CCDC171: variants seen among roughly 807,000 people sequenced by gnomAD.
CCDC171 encodes the protein coiled-coil domain containing 171.
In CCDC171, 177 loss-of-function variants were observed where a neutral mutation model predicts 168.2. The ratio of observed to expected loss-of-function variants is 1.05; its 90% CI spans 0.93 to 1.19. CCDC171 has a LOEUF of 1.19. Ranked by LOEUF, CCDC171 falls within the 50% of genes most tolerant of loss-of-function variation. CCDC171 has a pLI of 0.00. For missense variants in CCDC171, 1,991 were observed against 1,539.0 expected (o/e 1.29, Z -4.91); for synonymous variants, 687 against 540.8 (o/e 1.27, Z -3.75).
intron 12 of CCDC171, among the ~76,000 whole-genome samples, chr9:15,722,158 A>G (rs2053526891): frequency 6.6e-6 from 1 of 152,100 alleles, no homozygotes; most frequent in East Asian, 1.9e-4. Context: ...TTAATGAAAA[A>G]CACTATGCAA....
chr9:15,882,953 A>C, intron 24 of CCDC171: 1 of 83,180 alleles, frequency 1.2e-5, no homozygotes, highest in Non-Finnish European at 2.5e-5. Context: ...CTTTTTGTTC[A>C]GATATTTTAC....
intron 4 of CCDC171, among the ~76,000 whole-genome samples, chr9:15,582,895 A>C (rs1261156493): frequency 6.6e-6 from 1 of 151,688 alleles, no homozygotes; most frequent in African/African-American, 2.4e-5. Context: ...ACAAACCTGC[A>C]CATTCTGCAC....
At chr9:15,965,184 A>G (rs1015076575) in intron 25 of CCDC171, among the ~76,000 whole-genome samples, 1 of 152,216 alleles carries the variant, frequency 6.6e-6, no homozygotes, top group Non-Finnish European at 1.5e-5. Flanking sequence ...CATGAGATCT[A>G]TGTATTTACT....
chr9:15,853,290 G>A lies in CCDC171; in HGVS notation c.3468+4343G>A, dbSNP rs571965830. Among the ~76,000 whole-genome samples the A allele has an allele frequency of 1.5e-4, 22 of 151,710 alleles. No homozygotes were observed. The East Asian group carries it at 1.7e-3, about 12-fold the overall frequency. On this transcript the variant is annotated intron_variant, in intron 23 of 25. Transcript: ENST00000380701. Reference sequence around the variant, plus strand: ...TTGTGGTTTTCAGTGTATAAGTTAGGCATCTTCTTGGTTAAGTTTATTCTT... The same window carrying A: ...TTGTGGTTTTCAGTGTATAAGTTAGACATCTTCTTGGTTAAGTTTATTCTT...
intron 21 of CCDC171, among the ~76,000 whole-genome samples, chr9:15,819,195 A>C (rs2059671945): frequency 8.5e-6 from 1 of 118,198 alleles, no homozygotes; most frequent in Admixed American, 8.0e-5. Context: ...TGAAGGAAGC[A>C]CTAAACATGG....
chr9:15,852,024 T>C (rs1298066592), intron 23 of CCDC171, among the ~76,000 whole-genome samples: 1 of 151,862 alleles, frequency 6.6e-6, no homozygotes, highest in Non-Finnish European at 1.5e-5. Flanking sequence ...TTATTATGAA[T>C]AGTGAATGCT....
At position 15,729,636 on chromosome 9, in the gene CCDC171, A is replaced by G; in HGVS notation, c.1887A>G (p.Lys629=). ...EKIRHLEYIC[K]NKSDTMRELQ... ...TAAGGCATCTAGAGTATATCTGTAA[A>G]AACAAGTCTGACACGATGAGAGAGC... Residue 629 remains lysine (K), a synonymous_variant, in exon 16 of 26, where the codon AAA becomes AAG. Coordinates refer to ENST00000380701, the MANE Select transcript of CCDC171 (RefSeq NM_173550.4). 6.2e-7 allele frequency: 1 copy of G among 1,612,800 alleles called. No individual in the cohort carries two copies. Among genetic ancestry groups the G allele is most frequent in the Non-Finnish European group, 8.5e-7 (1 of 1,179,186 alleles).
the CCDC171 span, among the ~76,000 whole-genome samples, chr9:16,083,683 A>G: frequency 6.6e-6 from 1 of 152,172 alleles, no homozygotes; most frequent in East Asian, 1.9e-4. Context: ...AGAAATTCAT[A>G]TTCCCTGGGG....
chr9:15,736,777 GT>G (rs1424264001), intron 16 of CCDC171, among the ~76,000 whole-genome samples: 1 of 151,928 alleles, frequency 6.6e-6, no homozygotes, highest in Non-Finnish European at 1.5e-5. Context: ...CTGGGCTCAG[GT>G]AATCCTTCCA....
intron 21 of CCDC171, among the ~76,000 whole-genome samples, chr9:15,792,516 A>G (rs1160987236): frequency 6.6e-6 from 1 of 152,166 alleles, no homozygotes; most frequent in Non-Finnish European, 1.5e-5. Context: ...CAAGACACAT[A>G]ATTGTCAGAT....
chr9:15,595,661 C>G (rs764220160), intron 6 of CCDC171, among the ~76,000 whole-genome samples: 1 of 152,056 alleles, frequency 6.6e-6, no homozygotes, highest in Non-Finnish European at 1.5e-5. Context: ...TGGTATATAC[C>G]CAGTAATGGG....
At chr9:15,794,440 G>A (rs75145254) in intron 21 of CCDC171, among the ~76,000 whole-genome samples, 3 of 151,764 alleles carry the variant, frequency 2.0e-5, no homozygotes, top group Admixed American at 6.6e-5. Flanking sequence ...ACTCCAGCTG[G>A]GTGACAGAGC....
intron 3 of CCDC171, among the ~76,000 whole-genome samples, chr9:16,001,942 G>A (rs540683458): frequency 3.5e-4 from 53 of 149,310 alleles, no homozygotes; most frequent in African/African-American, 1.2e-3. Flanking sequence ...TGCTCAAACA[G>A]TCCTCCCACC....
chr9:15,800,698 C>G (rs2058780680), intron 21 of CCDC171, among the ~76,000 whole-genome samples: 1 of 152,032 alleles, frequency 6.6e-6, no homozygotes, highest in Non-Finnish European at 1.5e-5. Flanking sequence ...AAACCAATTT[C>G]CTAGAGAGTT....
At chr9:16,104,380 G>A in the CCDC171 span, among the ~76,000 whole-genome samples, 1,319 of 152,112 alleles carry the variant, frequency 8.7e-3, 7 homozygotes, top group Non-Finnish European at 0.014. Flanking sequence ...GGTCTGTGCT[G>A]CTGCATACCT....
chr9:15,647,444 C>T (rs942350308), intron 7 of CCDC171, among the ~76,000 whole-genome samples: 9 of 151,992 alleles, frequency 5.9e-5, no homozygotes, highest in African/African-American at 1.2e-4. Flanking sequence ...TTCAAAAAAT[C>T]AATGAATTTA....
At chr9:15,861,740 T>C (rs1164250344) in intron 23 of CCDC171, among the ~76,000 whole-genome samples, 2 of 152,012 alleles carry the variant, frequency 1.3e-5, no homozygotes, top group African/African-American at 2.4e-5. Flanking sequence ...TTTAATACTT[T>C]CGTGTTTTAA....
Position 15,996,417 on chromosome 9 carries a change from CTTTTT to C in CCDC171, n.369-24152_369-24148del, listed in dbSNP as rs34798326. Among the ~76,000 whole-genome samples, 87 of 64,576 alleles carry C rather than the reference CTTTTT, an allele frequency of 1.3e-3. 1 individual carries two copies. Among genetic ancestry groups the C allele is most frequent in the African/African-American group, 4.7e-3 (83 of 17,748 alleles). The allele number at this position is 64,576 out of a possible 152,430, so 42.4% of individuals were successfully genotyped here. A position where few individuals can be genotyped will look rare whatever the true frequency, so the allele number is the denominator to read the frequency against. On this transcript the variant is annotated intron_variant and non_coding_transcript_variant, in intron 3 of 9. Coordinates refer to the CCDC171 transcript ENST00000486641. Reference sequence around the variant, plus strand: ...GGCAGCTGAATGGGGCTAGGAGGCTCTTTTTTTTTTTTTTTTTTTTTTTTGCGGGG... The same window carrying C: ...GGCAGCTGAATGGGGCTAGGAGGCTCTTTTTTTTTTTTTTTTTTTGCGGGG...
intron 25 of CCDC171, among the ~76,000 whole-genome samples, chr9:15,920,935 A>G (rs150790037): frequency 6.6e-6 from 1 of 151,064 alleles, no homozygotes; most frequent in Non-Finnish European, 1.5e-5. Context: ...ATTTCAGCCC[A>G]TGATGAAGTT....
Sources: allele counts gnomAD v4.1 joint callset (sites outside exome capture counted in the v4.1 genomes callset), GRCh38; gene constraint gnomAD v4.1.1; transcripts MANE v1.5; gene names NCBI Gene and HGNC (gene_info 2026-07-23, HGNC 2026-07-21).